OPCML: variants seen among roughly 807,000 people sequenced by gnomAD.
The protein encoded by OPCML is opioid-binding protein/cell adhesion molecule.
In OPCML, 13 loss-of-function variants were observed where a neutral mutation model predicts 37.8. The observed-to-expected ratio is 0.34, with a 90% CI of 0.22 to 0.55. The LOEUF is 0.55. Among genes scored for constraint, OPCML ranks in the 20% least tolerant of loss-of-function variants. The probability of loss-of-function intolerance (pLI) is 0.91; values close to 1 mark genes in which losing one functional copy is unlikely to be tolerated. For synonymous variants in OPCML, 176 were observed against 168.8 expected (o/e 1.04, Z -0.33); for missense variants, 341 against 435.6 (o/e 0.78, Z 1.93).
intron 1 of OPCML, among the ~76,000 whole-genome samples, chr11:133,031,872 C>A (rs187738465): frequency 6.6e-5 from 10 of 152,136 alleles, no homozygotes; most frequent in South Asian, 2.1e-4. Flanking sequence ...AATAAAAATA[C>A]AAGTTTCTAT....
intron 2 of OPCML, among the ~76,000 whole-genome samples, chr11:132,910,387 A>G (rs1003389412): frequency 1.3e-5 from 2 of 152,246 alleles, no homozygotes; most frequent in African/African-American, 4.8e-5. Flanking sequence ...TGTGAAGGTA[A>G]TTACACGGCC....
chr11:132,967,177 A>T (rs1358373417), intron 1 of OPCML, among the ~76,000 whole-genome samples: 3 of 151,998 alleles, frequency 2.0e-5, no homozygotes, highest in Non-Finnish European at 4.4e-5. Context: ...TTTTATTGAG[A>T]TATTTTATTA....
intron 1 of OPCML, among the ~76,000 whole-genome samples, chr11:133,314,037 C>T (rs1336487213): frequency 4.0e-5 from 6 of 151,304 alleles, no homozygotes; most frequent in East Asian, 2.0e-4. Flanking sequence ...AGATCGAGAC[C>T]ATCCCGGCTA....
chr11:132,566,957 TCAAC>T (rs2096424755), intron 3 of OPCML, among the ~76,000 whole-genome samples: 1 of 14,274 alleles, frequency 7.0e-5, no homozygotes, highest in East Asian at 4.0e-3. Flanking sequence ...GGCAACAACA[TCAAC>T]ATCAGTTAGG....
At chr11:133,290,513 G>A (rs541179023) in intron 1 of OPCML, among the ~76,000 whole-genome samples, 2 of 152,314 alleles carry the variant, frequency 1.3e-5, no homozygotes, top group African/African-American at 4.8e-5. Flanking sequence ...GATAGTAAGT[G>A]TGGCAGCAGA....
intron 1 of OPCML, among the ~76,000 whole-genome samples, chr11:132,963,418 C>T (rs938229497): frequency 6.6e-6 from 1 of 151,808 alleles, no homozygotes; most frequent in African/African-American, 2.4e-5. Flanking sequence ...GGTGAAACCC[C>T]GTCTCGACTA....
intron 1 of OPCML, among the ~76,000 whole-genome samples, chr11:133,357,864 C>T (rs1266113934): frequency 1.3e-5 from 2 of 152,126 alleles, no homozygotes; most frequent in Non-Finnish European, 2.9e-5. Context: ...TCAAAACAAC[C>T]ATCACAATCG....
intron 2 of OPCML, among the ~76,000 whole-genome samples, chr11:132,883,885 C>T (rs1245628951): frequency 6.6e-6 from 1 of 152,162 alleles, no homozygotes; most frequent in Non-Finnish European, 1.5e-5. Flanking sequence ...TACTGCACTT[C>T]AGTTTCTGTT....
intron 1 of OPCML, among the ~76,000 whole-genome samples, chr11:133,152,875 CT>C (rs11361893): frequency 0.37 from 54,107 of 147,588 alleles, 10,900 homozygotes; most frequent in African/African-American, 0.56. Context: ...TCAGGTTATC[CT>C]TTTTTTTTTT....
chr11:133,434,927 C>T (rs1036057075), intron 1 of OPCML, among the ~76,000 whole-genome samples: 1 of 150,238 alleles, frequency 6.7e-6, no homozygotes, highest in Admixed American at 6.7e-5. Flanking sequence ...TCAGATTCTG[C>T]AGTAGTGCAG....
intron 2 of OPCML, among the ~76,000 whole-genome samples, chr11:132,892,431 C>T (rs542596077): frequency 2.0e-5 from 3 of 152,074 alleles, no homozygotes; most frequent in African/African-American, 4.8e-5. Flanking sequence ...TTAACTACAT[C>T]GATGTGCATT....
intron 1 of OPCML, among the ~76,000 whole-genome samples, chr11:133,357,175 T>G (rs1944308306): frequency 6.6e-6 from 1 of 152,212 alleles, no homozygotes; most frequent in Non-Finnish European, 1.5e-5. Context: ...GGCATGGTCG[T>G]TGTTAGGAAA....
chr11:133,193,331 A>C (rs370123644), intron 1 of OPCML, among the ~76,000 whole-genome samples: 1 of 152,224 alleles, frequency 6.6e-6, no homozygotes, highest in African/African-American at 2.4e-5. Flanking sequence ...TCTCCCGCAA[A>C]GAACTGAGCT....
intron 1 of OPCML, among the ~76,000 whole-genome samples, chr11:133,502,003 C>T (rs1343097342): frequency 3.9e-5 from 6 of 152,152 alleles, no homozygotes; most frequent in Admixed American, 3.9e-4. Flanking sequence ...CCCATTCCCC[C>T]ACCCAGCCAT....
chr11:133,419,312 G>A lies in OPCML; in HGVS notation c.61+112952C>T, dbSNP rs142586733. On this transcript the variant is annotated intron_variant, in intron 1 of 7. Transcript: ENST00000524381. The stretch of plus-strand genomic sequence containing the variant: ...ACCTCGAGATGTCTGGTGTAAACTG[G>A]AAAATAGGCATGAATCTCAGGTTAA... The A allele has an allele frequency of 5.1e-4, 505 of 985,370 alleles. 2 individuals are homozygous for A. In the African/African-American group the frequency reaches 8.2e-3, roughly 16 times the overall value. The allele number at this position is 985,370 out of a possible 1,614,324, so 61.0% of individuals were successfully genotyped here.
chr11:133,015,568 T>C (rs548670640), intron 1 of OPCML, among the ~76,000 whole-genome samples: 27 of 152,288 alleles, frequency 1.8e-4, no homozygotes, highest in Admixed American at 1.2e-3. Flanking sequence ...TCCAATTCTG[T>C]GTGCCTGAAG....
chr11:133,040,461 C>G (rs1378985179), intron 1 of OPCML, among the ~76,000 whole-genome samples: 1 of 152,240 alleles, frequency 6.6e-6, no homozygotes, highest in Non-Finnish European at 1.5e-5. Context: ...CCCCATCTGG[C>G]CCCTCCAGTC....
At chr11:133,299,660 G>A (rs1406353709) in intron 1 of OPCML, 1 of 152,176 alleles carries the variant, frequency 6.6e-6, no homozygotes, top group Non-Finnish European at 1.5e-5. Flanking sequence ...TACCATCTCT[G>A]AATATCTCCA....
chr11:133,082,135 C>A (rs1463312236), intron 1 of OPCML, among the ~76,000 whole-genome samples: 1 of 151,960 alleles, frequency 6.6e-6, no homozygotes, highest in African/African-American at 2.4e-5. Context: ...GGACCCCTCC[C>A]CAGGCCAAGG....
Sources: gnomAD v4.1 joint callset for allele counts (sites outside exome capture counted in the v4.1 genomes callset) on GRCh38, gnomAD v4.1.1 for gene constraint, MANE v1.5 for transcripts, NCBI Gene and HGNC (gene_info 2026-07-23, HGNC 2026-07-21) for gene names.